STRN: variants seen among roughly 807,000 people sequenced by gnomAD.
The protein encoded by STRN is protein phosphatase 2 regulatory subunit B'''alpha.
A neutral mutation model predicts 96.3 loss-of-function variants in STRN; 53 were observed. The observed-to-expected ratio is 0.55, with a 90% CI of 0.44 to 0.69. The LOEUF is 0.69. STRN is among the 30% of genes least tolerant of loss of function. The probability of loss-of-function intolerance (pLI) is 0.00; values close to 1 mark genes in which losing one functional copy is unlikely to be tolerated. For missense variants in STRN, 987 were observed against 963.9 expected (o/e 1.02, Z -0.32); for synonymous variants, 428 against 355.9 (o/e 1.20, Z -2.28).
Position 36,948,187 on chromosome 2 carries a change from C to T in STRN, c.234+18043G>A, listed in dbSNP as rs139552040. Among the ~76,000 whole-genome samples, 722 of 145,400 alleles carry T rather than the reference C, an allele frequency of 5.0e-3. 5 individuals carry two copies. The highest frequency in any genetic ancestry group is 0.017 in the African/African-American group (671 of 38,934). On this transcript the variant is annotated intron_variant, in intron 1 of 17. Transcript: ENST00000263918. Reference sequence around the variant, plus strand: ...TGTGATCTGGGCTCACTGCAACCTCCGCCTCCCAGGTTCAAGTGATTCTCC... The same window carrying T: ...TGTGATCTGGGCTCACTGCAACCTCTGCCTCCCAGGTTCAAGTGATTCTCC...
chr2:36,960,885 G>GT (rs773347188), intron 1 of STRN, among the ~76,000 whole-genome samples: 10 of 151,982 alleles, frequency 6.6e-5, no homozygotes, highest in South Asian at 6.2e-4. Context: ...ATGTATTTTT[G>GT]TTTGTTTGTT....
intron 7 of STRN, among the ~76,000 whole-genome samples, chr2:36,892,124 T>C (rs371728403): frequency 7.9e-4 from 121 of 152,290 alleles, no homozygotes; most frequent in African/African-American, 2.6e-3. Flanking sequence ...GAAGGTATAT[T>C]AGAATCTGTA....
At chr2:36,943,514 G>C (rs1336886486) in intron 1 of STRN, among the ~76,000 whole-genome samples, 1 of 151,902 alleles carries the variant, frequency 6.6e-6, no homozygotes, top group Non-Finnish European at 1.5e-5. Context: ...ACATAAAACA[G>C]TTAAAATAGG....
Position 36,883,924 on chromosome 2 carries a change from A to C in STRN, c.1186+8T>G. 7.4e-7 allele frequency: 1 copy of C among 1,353,796 alleles called. No individual in the cohort carries two copies. The highest frequency in any genetic ancestry group is 9.6e-7 in the Non-Finnish European group (1 of 1,045,246). 83.9% of individuals were successfully genotyped at this position (1,353,796 alleles called of 1,614,324 possible). On this transcript the variant is annotated splice_region_variant and intron_variant, in intron 9 of 17. Coordinates refer to ENST00000263918, the MANE Select transcript of STRN (RefSeq NM_003162.4). The stretch of plus-strand genomic sequence containing the variant: ...CATTTTGTGCTCCAGAGTATCTTAA[A>C]TACTTACCTTCATCTGCCCTATTAA...
rs1668005570 is a variant in STRN, at chr2:36,843,971, G to A, written c.*5485C>T. On this transcript the variant is annotated 3_prime_UTR_variant, in exon 18 of 18. Coordinates refer to ENST00000263918, the MANE Select transcript of STRN (RefSeq NM_003162.4). ...GATGTAACTAAAATTTAAAATACCT[G>A]AAGATCAAACAATCTGGCCCAGGGC... The A allele has an allele frequency of 6.6e-6, 1 of 152,128 alleles. No homozygotes were observed. The allele number at this position is 152,128 out of a possible 1,614,324, so 9.4% of individuals were successfully genotyped here.
chr2:36,886,839 A>C lies in STRN; in HGVS notation c.932-13T>G, dbSNP rs1669243698. On this transcript the variant is annotated splice_polypyrimidine_tract_variant and intron_variant, in intron 7 of 17. Transcript: ENST00000263918. ...TGGTCTTCCTTTTCTAAACAGAGTGAAACAAATGAAACAGCCTTTTTCAAT... is the reference window on the plus strand; with the variant it reads ...TGGTCTTCCTTTTCTAAACAGAGTGCAACAAATGAAACAGCCTTTTTCAAT... 1.3e-6 allele frequency: 2 copies of C among 1,592,364 alleles called. No individual in the cohort carries two copies.
intron 1 of STRN, among the ~76,000 whole-genome samples, chr2:36,934,934 C>G (rs1180293624): frequency 6.6e-6 from 1 of 152,012 alleles, no homozygotes; most frequent in Non-Finnish European, 1.5e-5. Context: ...AAAAATTAGC[C>G]CGGTGTGGTG....
At chr2:36,964,193 A>AGGGGG (rs1665099692) in intron 1 of STRN, among the ~76,000 whole-genome samples, 1 of 127,606 alleles carries the variant, frequency 7.8e-6, no homozygotes, top group African/African-American at 3.4e-5. Flanking sequence ...GGCGGGGGGA[A>AGGGGG]GGATGGGTTG....
Position 36,849,362 on chromosome 2 carries a change from G to C in STRN, c.*94C>G. On this transcript the variant is annotated 3_prime_UTR_variant, in exon 18 of 18. Coordinates refer to ENST00000263918, the MANE Select transcript of STRN (RefSeq NM_003162.4). ...CTGTGCTCCTTCAGCAGAACAAAAG[G>C]GCAGGACGAGATGATTCTTGCCCTC... 1 of 1,411,336 alleles carries C rather than the reference G, an allele frequency of 7.1e-7. No homozygotes were observed. Among genetic ancestry groups the C allele is most frequent in the Admixed American group, 2.0e-5 (1 of 48,852 alleles). 87.4% of individuals were successfully genotyped at this position (1,411,336 alleles called of 1,614,324 possible).
rs2148218554 is a variant in STRN at position 36,916,014 on chromosome 2, C to T, written c.412+64G>A. The T allele has an allele frequency of 2.2e-6, 3 of 1,380,472 alleles. No homozygotes were observed. In the South Asian group the frequency reaches 3.6e-5, roughly 16 times the overall value. 85.5% of individuals were successfully genotyped at this position (1,380,472 alleles called of 1,614,324 possible). A position where few individuals can be genotyped will look rare whatever the true frequency, so the allele number is the denominator to read the frequency against. On this transcript the variant is annotated intron_variant, in intron 3 of 17. Transcript: ENST00000263918. ...AGAAAGTAACTTACAGTTGTAAATG[C>T]TGCTAGAAAATACTAGACATTAACT... is the stretch of plus-strand genomic sequence containing the variant.
intron 3 of STRN, among the ~76,000 whole-genome samples, chr2:36,911,955 C>A (rs913123086): frequency 3.3e-5 from 5 of 152,308 alleles, no homozygotes; most frequent in African/African-American, 7.2e-5. Flanking sequence ...TTTTCTTAAA[C>A]ATCTGACCCA....
chr2:36,919,231 C>A (rs186166355), intron 2 of STRN, among the ~76,000 whole-genome samples: 1 of 152,124 alleles, frequency 6.6e-6, no homozygotes, highest in Non-Finnish European at 1.5e-5. Context: ...TGAGGGTATG[C>A]GTAAGAGACA....
At position 36,838,899 on chromosome 2, in the gene STRN, T is replaced by C. The variant is rs1667881749; in HGVS notation, c.*10557A>G. 6.6e-6 allele frequency among the ~76,000 whole-genome samples: 1 copy of C among 152,220 alleles called. No individual in the cohort carries two copies. Among genetic ancestry groups the C allele is most frequent in the South Asian group, 2.1e-4 (1 of 4,830 alleles). On this transcript the variant is annotated 3_prime_UTR_variant, in exon 18 of 18. Coordinates refer to ENST00000263918, the MANE Select transcript of STRN (RefSeq NM_003162.4). ...ATGATCCCATTTATTTAAAGCAAAC[T>C]GCCCACCAAAATATCTTCTCATTAA...
intron 2 of STRN, among the ~76,000 whole-genome samples, chr2:36,919,576 G>A (rs1391297757): frequency 2.0e-5 from 3 of 152,130 alleles, no homozygotes; most frequent in African/African-American, 4.8e-5. Flanking sequence ...GGGACAGAAA[G>A]GGCCTGGCTG....
rs1344723688 is a variant in STRN at position 36,847,625 on chromosome 2, A to G, written c.*1831T>C. 1.3e-5 allele frequency: 2 copies of G among 152,194 alleles called. No homozygotes were observed. Among genetic ancestry groups the G allele is most frequent in the Non-Finnish European group, 2.9e-5 (2 of 68,018 alleles). The allele number at this position is 152,194 out of a possible 1,614,324, so 9.4% of individuals were successfully genotyped here. On this transcript the variant is annotated 3_prime_UTR_variant, in exon 18 of 18. Transcript: ENST00000263918. ...AAGCACAAAGATGAAATGAAAAGGT[A>G]GCTGTATTACTACAGCATATCTGTA...
chr2:36,965,587 T>TA (rs1475943056), intron 1 of STRN, among the ~76,000 whole-genome samples: 3 of 152,052 alleles, frequency 2.0e-5, no homozygotes, highest in African/African-American at 7.2e-5. Flanking sequence ...TGCGATCATC[T>TA]AGGTCCTTCA....
rs1667868331 is a variant in STRN at position 36,838,358 on chromosome 2, GAACA to G, written c.*11094_*11097del. Among the ~76,000 whole-genome samples, 3 of 152,156 alleles carry G rather than the reference GAACA, an allele frequency of 2.0e-5. No homozygotes were observed. Among genetic ancestry groups the G allele is most frequent in the Admixed American group, 2.0e-4 (3 of 15,284 alleles). ...TTTCATTTCAGCCTTGTTGGGCCTT[GAACA>G]GACAGCCCAGTTGAGTTTCCCTGGA... On this transcript the variant is annotated 3_prime_UTR_variant, in exon 18 of 18. Transcript: ENST00000263918.
At chr2:36,851,949 TGTTA>T (rs766223642) in intron 15 of STRN, among the ~76,000 whole-genome samples, 1 of 152,202 alleles carries the variant, frequency 6.6e-6, no homozygotes, top group Non-Finnish European at 1.5e-5. Flanking sequence ...GTATTTTTTG[TGTTA>T]GTAAGTTCCA....
chr2:36,900,250 G>A lies in STRN; in HGVS notation c.660-592C>T, dbSNP rs74390550. 2.0e-3 allele frequency among the ~76,000 whole-genome samples: 297 copies of A among 152,020 alleles called. 7 individuals are homozygous for A. In the East Asian group the frequency reaches 0.053, roughly 27 times the overall value. On this transcript the variant is annotated intron_variant, in intron 5 of 17. Transcript: ENST00000263918. ...CCCCTTCCTGATTTATTATTATTTT[G>A]ATCCTTACACCAACCTTAATGTATT...
Sources: allele counts gnomAD v4.1 joint callset (sites outside exome capture counted in the v4.1 genomes callset), GRCh38; gene constraint gnomAD v4.1.1; transcripts MANE v1.5; gene names NCBI Gene and HGNC (gene_info 2026-07-23, HGNC 2026-07-21).